The following LRRC37A2 variants were observed in gnomAD, a reference collection of about 807,000 sequenced individuals.
The protein encoded by LRRC37A2 is leucine rich repeat containing 37 member A2, also known as leucine-rich repeat-containing protein 37A2.
In LRRC37A2, 9 loss-of-function variants were observed where a neutral mutation model predicts 68.8. The ratio of observed to expected loss-of-function variants is 0.13; its 90% CI spans 0.08 to 0.23. The LOEUF is 0.23. Among genes scored for constraint, LRRC37A2 ranks in the 10% least tolerant of loss-of-function variants. The pLI, the probability that LRRC37A2 is intolerant of heterozygous loss-of-function variation, is 1.00. For missense variants in LRRC37A2, 168 were observed against 950.4 expected (o/e 0.18, Z 10.82); for synonymous variants, 63 against 367.6 (o/e 0.17, Z 9.48).
At chr17:47,040,167 G>C in the LRRC37A2 span, among the ~76,000 whole-genome samples, 1 of 150,628 alleles carries the variant, frequency 6.6e-6, no homozygotes, top group African/African-American at 2.4e-5. Flanking sequence ...TCTAGGCCAG[G>C]CATGGTGGCT....
At chr17:46,861,192 T>C in the LRRC37A2 span, among the ~76,000 whole-genome samples, 3,729 of 152,348 alleles carry the variant, frequency 0.024, 155 homozygotes, top group African/African-American at 0.086. Context: ...CTGCACTTGG[T>C]GCATGTCCTG....
the LRRC37A2 span, chr17:46,978,773 T>C: frequency 1.2e-6 from 2 of 1,612,488 alleles, no homozygotes; most frequent in South Asian, 1.1e-5. Flanking sequence ...AAGACCACGG[T>C]AAGCGACAGC....
At chr17:46,971,017 C>CT in the LRRC37A2 span, among the ~76,000 whole-genome samples, 310 of 152,098 alleles carry the variant, frequency 2.0e-3, 1 homozygote, top group Non-Finnish European at 3.0e-3. Flanking sequence ...CAACATTTTT[C>CT]TTTTTTTTGT....
chr17:46,960,936 C>G, the LRRC37A2 span, among the ~76,000 whole-genome samples: 1 of 151,888 alleles, frequency 6.6e-6, no homozygotes. Flanking sequence ...AAGTATTTGT[C>G]AAAATATATA....
At chr17:46,957,135 C>A in the LRRC37A2 span, among the ~76,000 whole-genome samples, 1 of 152,056 alleles carries the variant, frequency 6.6e-6, no homozygotes, top group East Asian at 1.9e-4. Context: ...ATGGTGAAAC[C>A]CCGTCTCTAC....
chr17:46,914,870 CATA>C, the LRRC37A2 span, among the ~76,000 whole-genome samples: 2 of 152,070 alleles, frequency 1.3e-5, no homozygotes, highest in Non-Finnish European at 2.9e-5. Context: ...CTTCCTTTGT[CATA>C]ATAATTCAAA....
At chr17:46,797,186 G>C in the LRRC37A2 span, among the ~76,000 whole-genome samples, 2 of 152,192 alleles carry the variant, frequency 1.3e-5, no homozygotes, top group Admixed American at 6.5e-5. Context: ...CGATTCTTAA[G>C]TTTATTTGAC....
At chr17:46,839,912 T>TTTTCTTTCTTTCTTTC in the LRRC37A2 span, among the ~76,000 whole-genome samples, 2 of 113,328 alleles carry the variant, frequency 1.8e-5, no homozygotes, top group Admixed American at 9.9e-5. Context: ...ACATTTTCTC[T>TTTTCTTTCTTTCTTTC]TTTCTTTCTT....
At chr17:46,829,825 C>G in the LRRC37A2 span, among the ~76,000 whole-genome samples, 2 of 151,964 alleles carry the variant, frequency 1.3e-5, no homozygotes, top group Admixed American at 6.6e-5. Flanking sequence ...GTTCTGTGAT[C>G]AGAAAGAACA....
chr17:46,965,211 C>G, the LRRC37A2 span, among the ~76,000 whole-genome samples: 1 of 152,232 alleles, frequency 6.6e-6, no homozygotes, highest in East Asian at 1.9e-4. Flanking sequence ...GGGGGCAGCT[C>G]TGCCTTCTCA....
the LRRC37A2 span, among the ~76,000 whole-genome samples, chr17:46,738,376 A>G: frequency 6.6e-6 from 1 of 152,234 alleles, no homozygotes; most frequent in South Asian, 2.1e-4. Context: ...ATTTTTTCTA[A>G]ATGACTGAAG....
the LRRC37A2 span, among the ~76,000 whole-genome samples, chr17:46,717,024 CAA>C: frequency 2.6e-5 from 4 of 151,912 alleles, no homozygotes; most frequent in Non-Finnish European, 5.9e-5. Context: ...TAATATATAT[CAA>C]AGAGTTATCT....
At chr17:46,854,960 C>T in the LRRC37A2 span, among the ~76,000 whole-genome samples, 3 of 152,156 alleles carry the variant, frequency 2.0e-5, no homozygotes, top group African/African-American at 7.2e-5. Context: ...ATGCCCAGCC[C>T]ATCACTTTCT....
chr17:46,849,402 G>A, the LRRC37A2 span, among the ~76,000 whole-genome samples: 4 of 152,236 alleles, frequency 2.6e-5, no homozygotes, highest in Non-Finnish European at 5.9e-5. Flanking sequence ...AACAGGAGGA[G>A]CAGCTGGGCA....
chr17:47,020,523 T>C, the LRRC37A2 span, among the ~76,000 whole-genome samples: 1 of 151,074 alleles, frequency 6.6e-6, no homozygotes, highest in Non-Finnish European at 1.5e-5. Flanking sequence ...CTCACGCCTG[T>C]AATCCCAGCA....
chr17:46,956,700 C>T, the LRRC37A2 span, among the ~76,000 whole-genome samples: 2 of 152,158 alleles, frequency 1.3e-5, no homozygotes, highest in Non-Finnish European at 2.9e-5. Context: ...GCTGAGGGGG[C>T]GGCCATGTGT....
the LRRC37A2 span, among the ~76,000 whole-genome samples, chr17:47,000,080 A>T: frequency 0.017 from 149 of 8,878 alleles, 2 homozygotes; most frequent in African/African-American, 0.034. Flanking sequence ...AAAATAAAAA[A>T]TAAAATAAAA....
the LRRC37A2 span, chr17:46,694,361 T>C: frequency 1.4e-6 from 1 of 718,880 alleles, no homozygotes; most frequent in Non-Finnish European, 2.2e-6. Context: ...CACTCCAGCC[T>C]GGGAAACAGA....
At chr17:46,810,617 G>C in the LRRC37A2 span, among the ~76,000 whole-genome samples, 3 of 152,148 alleles carry the variant, frequency 2.0e-5, no homozygotes, top group Non-Finnish European at 4.4e-5. Context: ...CTCATCCACT[G>C]TCTCACAGCT....
Sources: gnomAD v4.1 joint callset for allele counts (sites outside exome capture counted in the v4.1 genomes callset) on GRCh38, gnomAD v4.1.1 for gene constraint, MANE v1.5 for transcripts, NCBI Gene and HGNC (gene_info 2026-07-23, HGNC 2026-07-21) for gene names.